The following ATF6 variants were observed in gnomAD, a reference collection of about 807,000 sequenced individuals.
The protein encoded by ATF6 is activating transcription factor 6.
In ATF6, 53 loss-of-function variants were observed where a neutral mutation model predicts 83.6. The observed-to-expected ratio is 0.63, with a 90% CI of 0.51 to 0.80. The LOEUF (loss-of-function observed/expected upper bound fraction) is 0.80. Ranked by LOEUF, ATF6 falls within the 30% of genes least tolerant of loss-of-function variation. The probability of loss-of-function intolerance (pLI) is 0.00; values close to 1 mark genes in which losing one functional copy is unlikely to be tolerated. For synonymous variants in ATF6, 288 were observed against 285.8 expected, an observed-to-expected ratio of 1.01 and a Z score of -0.08; for missense variants, 744 against 797.9, an observed-to-expected ratio of 0.93 and a Z score of 0.81.
intron 9 of ATF6, among the ~76,000 whole-genome samples, chr1:161,828,458 G>A (rs1685959966): frequency 6.6e-6 from 1 of 152,172 alleles, no homozygotes; most frequent in African/African-American, 2.4e-5. Context: ...GCGGCGTAGT[G>A]TCTGGGGATG....
chr1:161,821,155 C>G lies in ATF6; in HGVS notation c.1181C>G (p.Pro394Arg). 1 of 1,595,252 alleles carries G rather than the reference C, an allele frequency of 6.3e-7. No individual in the cohort carries two copies. The highest frequency in any genetic ancestry group is 1.1e-5 in the South Asian group (1 of 88,406). ...VLAFIILNYG[P>R]MSMLEQDSRR... ...GCATTTATAATACTGAACTATGGACCTATGAGGTAAGTGAATAGATATTTA... is the reference window on the plus strand; with the variant it reads ...GCATTTATAATACTGAACTATGGACGTATGAGGTAAGTGAATAGATATTTA... Residue 394 changes from proline (P) to arginine (R), a missense_variant, in exon 9 of 16, where the codon CCT (proline) becomes CGT (arginine). Coordinates refer to ENST00000367942, the MANE Select transcript of ATF6 (RefSeq NM_007348.4).
chr1:161,921,117 C>T (rs1688205413), intron 15 of ATF6, among the ~76,000 whole-genome samples: 1 of 152,118 alleles, frequency 6.6e-6, no homozygotes, highest in Non-Finnish European at 1.5e-5. Flanking sequence ...TGTGTTGAGT[C>T]AACAACTTAA....
chr1:161,854,069 G>A (rs1686702922), intron 12 of ATF6, among the ~76,000 whole-genome samples: 1 of 152,156 alleles, frequency 6.6e-6, no homozygotes, highest in African/African-American at 2.4e-5. Context: ...GAAACACAAA[G>A]CAGCATAGGA....
chr1:161,936,691 C>G (rs1283730219), intron 15 of ATF6, among the ~76,000 whole-genome samples: 1 of 152,270 alleles, frequency 6.6e-6, no homozygotes, highest in Non-Finnish European at 1.5e-5. Context: ...TGTTTAATAT[C>G]CACACTCACA....
At chr1:161,826,622 C>T (rs76105409) in intron 9 of ATF6, among the ~76,000 whole-genome samples, 3,871 of 152,066 alleles carry the variant, frequency 0.025, 81 homozygotes, top group South Asian at 0.1. Context: ...GTTAAAAAAA[C>T]ATGTTAAAAG....
At chr1:161,791,371 AT>A in intron 4 of ATF6, 36 bp from the exon 5 acceptor site, 1 of 1,574,160 alleles carries the variant, frequency 6.4e-7, no homozygotes. Flanking sequence ...CTGCTTAAGG[AT>A]TATACTCATT....
At chr1:161,788,481 A>T (rs1451104828) in intron 4 of ATF6, among the ~76,000 whole-genome samples, 1 of 152,136 alleles carries the variant, frequency 6.6e-6, no homozygotes, top group Non-Finnish European at 1.5e-5. Flanking sequence ...TTAGACATTC[A>T]AATTGCCTAT....
At chr1:161,837,680 GAA>G (rs1686257038) in intron 9 of ATF6, among the ~76,000 whole-genome samples, 1 of 151,528 alleles carries the variant, frequency 6.6e-6, no homozygotes, top group South Asian at 2.1e-4. Context: ...GCAGTTGGAA[GAA>G]AAGAGGATGA....
intron 7 of ATF6, among the ~76,000 whole-genome samples, chr1:161,811,826 G>T (rs187043462): frequency 6.6e-6 from 1 of 151,948 alleles, no homozygotes; most frequent in Admixed American, 6.6e-5. Flanking sequence ...CTATTTTAGG[G>T]TAAGTTACAT....
intron 9 of ATF6, among the ~76,000 whole-genome samples, chr1:161,822,542 TAAA>T (rs35591432): frequency 6.6e-6 from 1 of 151,428 alleles, no homozygotes; most frequent in Admixed American, 6.6e-5. Flanking sequence ...ATCTCTTTTT[TAAA>T]AAAAAACATT....
intron 4 of ATF6, among the ~76,000 whole-genome samples, chr1:161,788,444 C>G (rs1043874972): frequency 2.0e-5 from 3 of 152,220 alleles, no homozygotes; most frequent in Admixed American, 2.0e-4. Context: ...TCCTCATATA[C>G]TTGAAATAGT....
chr1:161,938,213 C>T (rs1688576275), intron 15 of ATF6, among the ~76,000 whole-genome samples: 2 of 152,140 alleles, frequency 1.3e-5, no homozygotes. Flanking sequence ...CTTCCTTCTG[C>T]TCTCATTTTT....
At chr1:161,785,743 T>A (rs1684731012) in intron 4 of ATF6, among the ~76,000 whole-genome samples, 1 of 152,166 alleles carries the variant, frequency 6.6e-6, no homozygotes, top group Non-Finnish European at 1.5e-5. Context: ...GTAAATACAC[T>A]TGAATTTTGC....
intron 9 of ATF6, among the ~76,000 whole-genome samples, chr1:161,822,398 A>G (rs890496375): frequency 1.4e-4 from 22 of 152,178 alleles, no homozygotes; most frequent in African/African-American, 5.1e-4. Context: ...TGCTGCTGAG[A>G]GCTTGGGAGA....
intron 15 of ATF6, among the ~76,000 whole-genome samples, chr1:161,913,239 C>T (rs1391042826): frequency 1.3e-5 from 2 of 152,108 alleles, no homozygotes; most frequent in Non-Finnish European, 2.9e-5. Context: ...GTAGCAAAAA[C>T]CTCAGTATAT....
intron 9 of ATF6, among the ~76,000 whole-genome samples, chr1:161,831,841 TGTAAATGGCGA>T (rs1269010535): frequency 2.0e-5 from 3 of 150,990 alleles, no homozygotes; most frequent in Non-Finnish European, 2.9e-5. Context: ...ATACACCTAA[TGTAAATGGCGA>T]GTTAATGGGT....
At chr1:161,919,452 A>G (rs1002166189) in intron 15 of ATF6, among the ~76,000 whole-genome samples, 6 of 151,958 alleles carry the variant, frequency 3.9e-5, no homozygotes, top group Non-Finnish European at 7.4e-5. Context: ...CCTTTCTTTC[A>G]CTCTTGGTAA....
intron 14 of ATF6, among the ~76,000 whole-genome samples, chr1:161,898,057 G>A (rs534601809): frequency 1.6e-4 from 25 of 152,126 alleles, no homozygotes; most frequent in African/African-American, 5.5e-4. Context: ...AGATTTTTTT[G>A]ACTCCTAGTA....
intron 6 of ATF6, among the ~76,000 whole-genome samples, chr1:161,794,037 G>C (rs1421360436): frequency 6.6e-6 from 1 of 152,084 alleles, no homozygotes; most frequent in Middle Eastern, 3.2e-3. Context: ...CTCCAGAGTA[G>C]CTGGGACTAC....
Sources: allele counts gnomAD v4.1 joint callset (sites outside exome capture counted in the v4.1 genomes callset), GRCh38; gene constraint gnomAD v4.1.1; transcripts MANE v1.5; gene names NCBI Gene and HGNC (gene_info 2026-07-23, HGNC 2026-07-21).